Variants in PDE4B observed in about 807,000 individuals in gnomAD.
PDE4B encodes the protein 3',5'-cyclic-AMP phosphodiesterase 4B.
In PDE4B, 20 loss-of-function variants were observed where a neutral mutation model predicts 82.2. The observed-to-expected ratio is 0.24, with a 90% confidence interval of 0.17 to 0.35. PDE4B has a LOEUF of 0.35. Ranked by LOEUF, PDE4B falls within the 10% of genes least tolerant of loss-of-function variation. The pLI, the probability that PDE4B is intolerant of heterozygous loss-of-function variation, is 1.00. For synonymous variants in PDE4B, 320 were observed against 318.9 expected (o/e 1.00, Z -0.04); for missense variants, 655 against 907.2 (o/e 0.72, Z 3.57).
chr1:65,821,424 T>G (rs898847135), intron 1 of PDE4B, among the ~76,000 whole-genome samples: 1 of 152,226 alleles, frequency 6.6e-6, no homozygotes, highest in Non-Finnish European at 1.5e-5. Flanking sequence ...TTGCACATTT[T>G]CCTGGAAAGT....
chr1:66,127,307 C>CT (rs1374051196), intron 3 of PDE4B, among the ~76,000 whole-genome samples: 2 of 151,998 alleles, frequency 1.3e-5, no homozygotes, highest in East Asian at 1.9e-4. Flanking sequence ...CTTTCTGTAG[C>CT]TTTTTTGTAA....
chr1:66,167,202 A>G (rs1224575540), intron 3 of PDE4B, among the ~76,000 whole-genome samples: 1 of 137,528 alleles, frequency 7.3e-6, no homozygotes, highest in Non-Finnish European at 1.7e-5. Flanking sequence ...ACCTATGTTT[A>G]TATACCAGAA....
intron 1 of PDE4B, among the ~76,000 whole-genome samples, chr1:65,879,953 A>G (rs1296924316): frequency 1.3e-5 from 2 of 152,322 alleles, no homozygotes; most frequent in East Asian, 3.9e-4. Flanking sequence ...TTGGAATTAC[A>G]AAGGAAAAAT....
At chr1:66,129,140 G>C (rs1399651789) in intron 3 of PDE4B, among the ~76,000 whole-genome samples, 1 of 152,214 alleles carries the variant, frequency 6.6e-6, no homozygotes, top group Non-Finnish European at 1.5e-5. Flanking sequence ...TTTGCATCTA[G>C]AGACGTTGTG....
At chr1:66,360,812 C>G (rs1662701944) in intron 9 of PDE4B, 1 of 151,978 alleles carries the variant, frequency 6.6e-6, no homozygotes, top group Non-Finnish European at 1.5e-5. Context: ...TTCACTAATC[C>G]TAGCTCTGCT....
intron 3 of PDE4B, among the ~76,000 whole-genome samples, chr1:66,097,466 T>C (rs1570225031): frequency 1.3e-5 from 2 of 152,130 alleles, no homozygotes; most frequent in African/African-American, 4.8e-5. Flanking sequence ...TGTCTTCTAA[T>C]TGAGTTGAAA....
intron 6 of PDE4B, among the ~76,000 whole-genome samples, chr1:66,258,658 AC>A (rs1170355426): frequency 6.6e-6 from 1 of 151,812 alleles, no homozygotes; most frequent in Admixed American, 6.6e-5. Context: ...CTTGCTAACA[AC>A]CCCCTCCCCC....
chr1:66,255,675 C>T (rs1338205637), intron 4 of PDE4B, among the ~76,000 whole-genome samples: 1 of 152,208 alleles, frequency 6.6e-6, no homozygotes, highest in Admixed American at 6.5e-5. Flanking sequence ...TCAAGACTTT[C>T]CTACTTTCTC....
chr1:65,990,485 TTTTAAA>T (rs1651185025), intron 3 of PDE4B, among the ~76,000 whole-genome samples: 1 of 152,186 alleles, frequency 6.6e-6, no homozygotes, highest in Non-Finnish European at 1.5e-5. Context: ...CATGTCCCAG[TTTTAAA>T]TCATATTATT....
intron 3 of PDE4B, among the ~76,000 whole-genome samples, chr1:66,000,730 C>G (rs1408823127): frequency 6.6e-6 from 1 of 152,226 alleles, no homozygotes; most frequent in African/African-American, 2.4e-5. Flanking sequence ...GCTCCCTTGA[C>G]AGACCAAGGC....
At chr1:65,836,255 T>C (rs1356144368) in intron 1 of PDE4B, among the ~76,000 whole-genome samples, 2 of 152,194 alleles carry the variant, frequency 1.3e-5, no homozygotes, top group African/African-American at 4.8e-5. Flanking sequence ...GTAGCTCTGC[T>C]CTCTTTAGAT....
chr1:65,879,372 A>G (rs949622853), intron 1 of PDE4B, among the ~76,000 whole-genome samples: 1 of 152,176 alleles, frequency 6.6e-6, no homozygotes, highest in African/African-American at 2.4e-5. Context: ...TGTTTTAAAA[A>G]TGTTAAGCTC....
chr1:66,264,902 C>A (rs1322075365), intron 6 of PDE4B, among the ~76,000 whole-genome samples: 2 of 152,160 alleles, frequency 1.3e-5, no homozygotes, highest in Non-Finnish European at 2.9e-5. Flanking sequence ...GGCCTCATCT[C>A]GGATATACTG....
chr1:66,318,173 A>G (rs1157894144), intron 7 of PDE4B, among the ~76,000 whole-genome samples: 1 of 152,194 alleles, frequency 6.6e-6, no homozygotes. Flanking sequence ...TCAACTTTGA[A>G]TTCAGGCTGG....
chr1:65,987,994 T>C (rs930018540), intron 3 of PDE4B, among the ~76,000 whole-genome samples: 1 of 152,250 alleles, frequency 6.6e-6, no homozygotes, highest in Non-Finnish European at 1.5e-5. Flanking sequence ...ATTTATTGAC[T>C]GTCTACTCTG....
intron 7 of PDE4B, among the ~76,000 whole-genome samples, chr1:66,324,766 A>G (rs922878885): frequency 1.3e-5 from 2 of 152,178 alleles, no homozygotes; most frequent in African/African-American, 4.8e-5. Flanking sequence ...GAAAGGCTAT[A>G]TAGGGCTTGC....
At chr1:65,980,009 G>A (rs1163093556) in intron 3 of PDE4B, among the ~76,000 whole-genome samples, 1 of 152,130 alleles carries the variant, frequency 6.6e-6, no homozygotes, top group Non-Finnish European at 1.5e-5. Context: ...GAACAGAAGA[G>A]AACCATAGAA....
chr1:66,067,732 C>G (rs1184695680), intron 3 of PDE4B, among the ~76,000 whole-genome samples: 1 of 151,952 alleles, frequency 6.6e-6, no homozygotes, highest in African/African-American at 2.4e-5. Flanking sequence ...ATTGCCATTG[C>G]TTTTGGTGTT....
intron 6 of PDE4B, among the ~76,000 whole-genome samples, chr1:66,264,963 G>A (rs1654930728): frequency 1.3e-5 from 2 of 152,236 alleles, no homozygotes; most frequent in Non-Finnish European, 2.9e-5. Flanking sequence ...CCCCAGATGA[G>A]TCGGCTGCGT....
Sources: gnomAD v4.1 joint callset for allele counts (sites outside exome capture counted in the v4.1 genomes callset) on GRCh38, gnomAD v4.1.1 for gene constraint, MANE v1.5 for transcripts, NCBI Gene and HGNC (gene_info 2026-07-23, HGNC 2026-07-21) for gene names.